Variants in MRPL22 observed in about 807,000 individuals in gnomAD.
The protein encoded by MRPL22 is mitochondrial ribosomal protein L22.
A neutral mutation model predicts 32.4 loss-of-function variants in MRPL22; 27 were observed. That is an observed-to-expected ratio of 0.83 (90% CI 0.61 to 1.15). The LOEUF (loss-of-function observed/expected upper bound fraction) is 1.15. Ranked by LOEUF, MRPL22 falls within the 50% of genes most tolerant of loss-of-function variation. MRPL22 has a pLI of 0.00. For synonymous variants in MRPL22, 86 were observed against 87.3 expected (o/e 0.99, Z 0.08); for missense variants, 239 against 260.2 (o/e 0.92, Z 0.56).
chr5:154,959,963 T>G lies in MRPL22; in HGVS notation c.340-17T>G. On this transcript the variant is annotated splice_polypyrimidine_tract_variant and intron_variant, in intron 5 of 6. Coordinates refer to ENST00000523037, the MANE Select transcript of MRPL22 (RefSeq NM_014180.4). Reference sequence around the variant, plus strand: ...TCAGGTTTAGCCGTATAAATGCTTTTCTTTTTCTTATTTAAGGTTCTCTTA... The same window carrying G: ...TCAGGTTTAGCCGTATAAATGCTTTGCTTTTTCTTATTTAAGGTTCTCTTA... The G allele has an allele frequency of 6.3e-7, 1 of 1,596,870 alleles. No individual in the cohort carries two copies. Among genetic ancestry groups the G allele is most frequent in the Non-Finnish European group, 8.6e-7 (1 of 1,169,150 alleles).
chr5:154,957,837 G>C (rs1264506671), intron 5 of MRPL22, among the ~76,000 whole-genome samples: 2 of 151,390 alleles, frequency 1.3e-5, no homozygotes, highest in Non-Finnish European at 2.9e-5. Flanking sequence ...TAATTCACTA[G>C]ATACAAATGT....
chr5:154,950,126 A>G (rs899469532), intron 2 of MRPL22, among the ~76,000 whole-genome samples: 2 of 152,150 alleles, frequency 1.3e-5, no homozygotes, highest in African/African-American at 2.4e-5. Context: ...GAAGCAGGCA[A>G]CTTTTTCACA....
chr5:154,957,914 C>CTTTTTTTTTT (rs912216773), intron 5 of MRPL22, among the ~76,000 whole-genome samples: 2 of 120,862 alleles, frequency 1.7e-5, no homozygotes, highest in African/African-American at 3.2e-5. Flanking sequence ...ATATATTTTT[C>CTTTTTTTTTT]TTTTTTTTTT....
chr5:154,943,657 CAT>C (rs146396911), intron 2 of MRPL22, among the ~76,000 whole-genome samples: 1 of 150,660 alleles, frequency 6.6e-6, no homozygotes, highest in Non-Finnish European at 1.5e-5. Context: ...TATACACACA[CAT>C]ATATATATAG....
At chr5:154,960,134 A>G (rs1764683589) in intron 6 of MRPL22, 85 bp downstream of exon 6, 1 of 970,778 alleles carries the variant, frequency 1.0e-6, no homozygotes, top group Non-Finnish European at 1.6e-6. Context: ...TTTAATATCT[A>G]ACTCCTCAGG....
chr5:154,963,496 AT>A (rs1764729710), intron 6 of MRPL22, among the ~76,000 whole-genome samples: 1 of 152,220 alleles, frequency 6.6e-6, no homozygotes, highest in Non-Finnish European at 1.5e-5. Context: ...CTGAAGTATA[AT>A]AATACTGTGT....
chr5:154,954,334 A>G (rs770715745), intron 3 of MRPL22, among the ~76,000 whole-genome samples: 9 of 152,174 alleles, frequency 5.9e-5, no homozygotes, highest in Admixed American at 2.0e-4. Flanking sequence ...GAATTATTAT[A>G]TGCATTTAAA....
At chr5:154,964,305 TG>T (rs1764739959) in intron 6 of MRPL22, among the ~76,000 whole-genome samples, 1 of 152,206 alleles carries the variant, frequency 6.6e-6, no homozygotes, top group Non-Finnish European at 1.5e-5. Flanking sequence ...GGCAGAGTTT[TG>T]GGTCTTCCTT....
intron 2 of MRPL22, among the ~76,000 whole-genome samples, chr5:154,942,612 G>T (rs1764434727): frequency 6.6e-6 from 1 of 152,176 alleles, no homozygotes. Flanking sequence ...TATAACAGCA[G>T]TCCTACCCAT....
chr5:154,967,301 C>T lies in MRPL22; in HGVS notation c.*404C>T. 1 of 186,142 alleles carries T rather than the reference C, an allele frequency of 5.4e-6. No individual in the cohort carries two copies. Among genetic ancestry groups the T allele is most frequent in the Non-Finnish European group, 1.1e-5 (1 of 88,740 alleles). 11.5% of individuals were successfully genotyped at this position (186,142 alleles called of 1,614,324 possible). On this transcript the variant is annotated 3_prime_UTR_variant, in exon 7 of 7. Transcript: ENST00000523037. The surrounding 1 kb of genome is among the most constrained non-coding windows in gnomAD (Gnocchi z 4.7). ...GGACCATGGGAAGTTAGAGTGGCTG[C>T]ATGTTGTTTCATTACAGTATTTTAG... is the stretch of plus-strand genomic sequence containing the variant.
At chr5:154,965,750 C>T (rs1764759189) in intron 6 of MRPL22, among the ~76,000 whole-genome samples, 2 of 152,118 alleles carry the variant, frequency 1.3e-5, no homozygotes, top group Non-Finnish European at 2.9e-5. Flanking sequence ...GATTTCTTTA[C>T]ACTTTCAAGG....
At chr5:154,963,503 T>C (rs1764729824) in intron 6 of MRPL22, among the ~76,000 whole-genome samples, 1 of 152,244 alleles carries the variant, frequency 6.6e-6, no homozygotes, top group Non-Finnish European at 1.5e-5. Context: ...ATAATAATAC[T>C]GTGTATACCA....
intron 2 of MRPL22, among the ~76,000 whole-genome samples, chr5:154,945,912 T>A (rs1764483896): frequency 6.6e-6 from 1 of 152,228 alleles, no homozygotes; most frequent in South Asian, 2.1e-4. Flanking sequence ...TGATTTGATA[T>A]TCTGTGCTTC....
chr5:154,966,371 T>G (rs1354938675), intron 6 of MRPL22, among the ~76,000 whole-genome samples: 1 of 152,240 alleles, frequency 6.6e-6, no homozygotes, highest in Non-Finnish European at 1.5e-5. Context: ...GTCTGTCATC[T>G]CATTCTGATT....
Position 154,947,909 on chromosome 5 carries a change from T to C in MRPL22, c.78-2912T>C, listed in dbSNP as rs1214259936. On this transcript the variant is annotated intron_variant, in intron 2 of 6. Transcript: ENST00000523037. ...ACTTAAAACAGGATAAGCATTTCAT[T>C]CAGGAGATAATAAGACGAGAAAACA... 2.0e-5 allele frequency among the ~76,000 whole-genome samples: 3 copies of C among 152,198 alleles called. No homozygotes were observed. The East Asian group carries it at 5.8e-4, about 29-fold the overall frequency.
Position 154,966,998 on chromosome 5 carries a change from A to G in MRPL22, c.*101A>G, listed in dbSNP as rs1238335492. 3.3e-6 allele frequency: 4 copies of G among 1,228,526 alleles called. No individual in the cohort carries two copies. Among genetic ancestry groups the G allele is most frequent in the Non-Finnish European group, 4.5e-6 (4 of 893,318 alleles). The allele number at this position is 1,228,526 out of a possible 1,614,324, so 76.1% of individuals were successfully genotyped here. Reference sequence around the variant, plus strand: ...GCTTTTTATGATTTCTCATTGAATTATTGAAACAGTGTATAACTGCTAGTT... The same window carrying G: ...GCTTTTTATGATTTCTCATTGAATTGTTGAAACAGTGTATAACTGCTAGTT... On this transcript the variant is annotated 3_prime_UTR_variant, in exon 7 of 7. Transcript: ENST00000523037.
chr5:154,958,027 C>G (rs1317046645), intron 5 of MRPL22, among the ~76,000 whole-genome samples: 1 of 143,930 alleles, frequency 6.9e-6, no homozygotes, highest in Non-Finnish European at 1.5e-5. Context: ...AGCGATTCTT[C>G]TGCCTCAGCC....
intron 3 of MRPL22, among the ~76,000 whole-genome samples, chr5:154,952,238 A>G (rs977809957): frequency 2.0e-5 from 3 of 152,166 alleles, no homozygotes; most frequent in African/African-American, 7.2e-5. Context: ...TCCAGAATCT[A>G]TAACAGCACA....
chr5:154,950,858 C>G lies in MRPL22; in HGVS notation c.115C>G (p.Leu39Val). 6.2e-7 allele frequency: 1 copy of G among 1,613,588 alleles called. No homozygotes were observed. The highest frequency in any genetic ancestry group is 8.5e-7 in the Non-Finnish European group (1 of 1,179,540). Residue 39 changes from leucine to valine, a missense_variant, in exon 3 of 7, where the codon CTT becomes GTT. By Grantham distance (32) the Leu-to-Val change is conservative. Transcript: ENST00000523037. ...PQSYIHTSAS[L>V]DISRKWEKKN... ...ATCATATATCCACACAAGTGCTTCT[C>G]TTGACATTTCTCGAAAATGGGAGAA...
Sources: allele counts gnomAD v4.1 joint callset (sites outside exome capture counted in the v4.1 genomes callset), GRCh38; gene constraint gnomAD v4.1.1; non-coding constraint Gnocchi (gnomAD v3.1); transcripts MANE v1.5; gene names NCBI Gene and HGNC (gene_info 2026-07-23, HGNC 2026-07-21).